MAN1A1: variants seen among roughly 807,000 people sequenced by gnomAD.
MAN1A1 encodes mannosidase alpha class 1A member 1, also known as mannosyl-oligosaccharide 1,2-alpha-mannosidase IA.
A neutral mutation model predicts 70.8 loss-of-function variants in MAN1A1; 29 were observed. That is an observed-to-expected ratio of 0.41 (90% CI 0.31 to 0.56). The LOEUF is 0.56. Among genes scored for constraint, MAN1A1 ranks in the 20% least tolerant of loss-of-function variants. The probability of loss-of-function intolerance (pLI) is 0.29; values close to 1 mark genes in which losing one functional copy is unlikely to be tolerated. For synonymous variants in MAN1A1, 349 were observed against 330.1 expected, an observed-to-expected ratio of 1.06 and a Z score of -0.62; for missense variants, 747 against 841.3, an observed-to-expected ratio of 0.89 and a Z score of 1.39.
intron 2 of MAN1A1, among the ~76,000 whole-genome samples, chr6:119,321,393 A>G (rs1773000083): frequency 6.6e-6 from 1 of 152,134 alleles, no homozygotes; most frequent in Non-Finnish European, 1.5e-5. Flanking sequence ...GGACTCTCTA[A>G]CTTGATTTAA....
intron 11 of MAN1A1, among the ~76,000 whole-genome samples, chr6:119,187,870 A>C (rs1773334074): frequency 1.3e-5 from 2 of 152,232 alleles, no homozygotes; most frequent in Non-Finnish European, 2.9e-5. Flanking sequence ...GACAGACAAA[A>C]CAACACACTG....
intron 6 of MAN1A1, among the ~76,000 whole-genome samples, chr6:119,209,039 G>A (rs1562192985): frequency 6.9e-6 from 1 of 145,278 alleles, no homozygotes. Context: ...AGGTTGCAGT[G>A]AGCTGATTGC....
intron 6 of MAN1A1, among the ~76,000 whole-genome samples, chr6:119,229,264 T>C (rs2114276295): frequency 6.6e-6 from 1 of 152,028 alleles, no homozygotes; most frequent in East Asian, 1.9e-4. Flanking sequence ...ATAATTGTTT[T>C]GGATAAAAGA....
chr6:119,199,409 C>T (rs77354436), intron 8 of MAN1A1, among the ~76,000 whole-genome samples: 6,664 of 152,238 alleles, frequency 0.044, 200 homozygotes, highest in East Asian at 0.082. Context: ...ACTCAAAACA[C>T]CCAAGAGCTT....
intron 6 of MAN1A1, among the ~76,000 whole-genome samples, chr6:119,247,566 G>A (rs955023740): frequency 6.6e-6 from 1 of 152,174 alleles, no homozygotes; most frequent in Non-Finnish European, 1.5e-5. Flanking sequence ...GTTTATTAAT[G>A]AAATGCTTAA....
At chr6:119,262,380 G>A (rs6919897) in intron 5 of MAN1A1, among the ~76,000 whole-genome samples, 3,312 of 151,868 alleles carry the variant, frequency 0.022, 134 homozygotes, top group African/African-American at 0.077. Flanking sequence ...TTCTGGTAAA[G>A]GTCAACATGG....
Position 119,316,695 on chromosome 6 carries a change from A to G in MAN1A1, c.604-9703T>C, listed in dbSNP as rs577049004. Among the ~76,000 whole-genome samples the G allele has an allele frequency of 5.6e-4, 86 of 152,266 alleles. 3 individuals carry two copies. The South Asian group carries it at 0.018, about 31-fold the overall frequency. ...TAATTTTTGCAGCAGTGACAAAATG[A>G]TTTTTAAAATTGAAATGTGCTATCT... On this transcript the variant is annotated intron_variant, in intron 2 of 12. Transcript: ENST00000368468.
At chr6:119,284,923 T>C (rs180690036) in intron 5 of MAN1A1, among the ~76,000 whole-genome samples, 62 of 152,306 alleles carry the variant, frequency 4.1e-4, no homozygotes, top group African/African-American at 1.5e-3. Context: ...TGTGTCGCTA[T>C]AAAGGAATAC....
At chr6:119,224,754 A>G (rs1418529810) in intron 6 of MAN1A1, among the ~76,000 whole-genome samples, 1 of 152,140 alleles carries the variant, frequency 6.6e-6, no homozygotes, top group Non-Finnish European at 1.5e-5. Context: ...GCAACTATTT[A>G]AATACATTCA....
At chr6:119,189,590 G>A in intron 10 of MAN1A1, 74 bp downstream of exon 10, 1 of 1,351,544 alleles carries the variant, frequency 7.4e-7, no homozygotes, top group Non-Finnish European at 1.1e-6. Context: ...GTCTTTTGAG[G>A]GCAGCAATGA....
chr6:119,345,595 C>T (rs1034363041), intron 2 of MAN1A1, among the ~76,000 whole-genome samples: 6 of 152,102 alleles, frequency 3.9e-5, no homozygotes, highest in African/African-American at 1.4e-4. Flanking sequence ...CCCTAAGACA[C>T]GAAGTTGTTA....
chr6:119,348,523 C>T lies in MAN1A1; in HGVS notation c.543G>A (p.Gly181=), dbSNP rs1773802299. Residue 181 remains glycine (G), a synonymous_variant, in exon 2 of 13, where the codon GGG becomes GGA. Transcript: ENST00000368468. ...CGTCGGCGGGCTCCCGGCTCTCCAC[C>T]CCGATTGGGGGCACGAAGTCCACCG... The part of the protein sequence containing the change: ...LPPVDFVPPI[G]VESREPADAA... 2 of 1,612,298 alleles carry T rather than the reference C, an allele frequency of 1.2e-6. No individual in the cohort carries two copies. The highest frequency in any genetic ancestry group is 3.3e-5 in the Admixed American group (2 of 59,724).
At chr6:119,259,326 C>T (rs1484044636) in intron 5 of MAN1A1, among the ~76,000 whole-genome samples, 2 of 152,132 alleles carry the variant, frequency 1.3e-5, no homozygotes, top group East Asian at 1.9e-4. Flanking sequence ...CTTTTTGTGT[C>T]ACATGCCTGA....
At chr6:119,313,222 T>G (rs1443453185) in intron 2 of MAN1A1, among the ~76,000 whole-genome samples, 1 of 152,060 alleles carries the variant, frequency 6.6e-6, no homozygotes, top group Non-Finnish European at 1.5e-5. Context: ...CTGCCTGGAG[T>G]CTACCACAAT....
At chr6:119,221,496 G>GA (rs1774359917) in intron 6 of MAN1A1, among the ~76,000 whole-genome samples, 1 of 133,942 alleles carries the variant, frequency 7.5e-6, no homozygotes, top group East Asian at 2.3e-4. Context: ...TTTCGAGACA[G>GA]AGTCTCATTT....
At chr6:119,204,691 C>G (rs1472870027) in intron 7 of MAN1A1, 68 bp downstream of exon 7, 1 of 1,569,096 alleles carries the variant, frequency 6.4e-7, no homozygotes, top group Non-Finnish European at 8.6e-7. Context: ...ATTCCTAAAC[C>G]TTCTCAGAGA....
At position 119,348,733 on chromosome 6, in the gene MAN1A1, C is replaced by G. The variant is rs370650175; in HGVS notation, c.333G>C (p.Gly111=). 108 of 1,571,930 alleles carry G rather than the reference C, an allele frequency of 6.9e-5. No individual in the cohort carries two copies. The highest frequency in any genetic ancestry group is 1.3e-4 in the African/African-American group (9 of 71,702). Residue 111 remains glycine (G), a synonymous_variant, in exon 2 of 13, where the codon GGG becomes GGC. Transcript: ENST00000368468. Reference sequence around the variant, plus strand: ...TGTCCTCCAGGGCGGCCTCCGGGTCCCCGGGTGCCCCCTCCTCGCGGCGCC... The same window carrying G: ...TGTCCTCCAGGGCGGCCTCCGGGTCGCCGGGTGCCCCCTCCTCGCGGCGCC... ...RARRREEGAP[G]DPEAALEDNL...
intron 11 of MAN1A1, among the ~76,000 whole-genome samples, chr6:119,182,521 GTT>G (rs994910048): frequency 7.0e-6 from 1 of 141,932 alleles, no homozygotes; most frequent in African/African-American, 2.6e-5. Context: ...ATTTTGAGTT[GTT>G]TTTTTTTTTG....
intron 7 of MAN1A1, among the ~76,000 whole-genome samples, chr6:119,201,828 C>A (rs1773719292): frequency 6.6e-6 from 1 of 152,076 alleles, no homozygotes; most frequent in African/African-American, 2.4e-5. Context: ...GAAAAATACA[C>A]TATAAAAGAT....
Sources: gnomAD v4.1 joint callset for allele counts (sites outside exome capture counted in the v4.1 genomes callset) on GRCh38, gnomAD v4.1.1 for gene constraint, MANE v1.5 for transcripts, NCBI Gene and HGNC (gene_info 2026-07-23, HGNC 2026-07-21) for gene names.